The following RSPO2 variants were observed in gnomAD, a reference collection of about 807,000 sequenced individuals.
The protein encoded by RSPO2 is R-spondin-2.
A neutral mutation model predicts 30.9 loss-of-function variants in RSPO2; 14 were observed. The ratio of observed to expected loss-of-function variants is 0.45; its 90% CI spans 0.30 to 0.71. The LOEUF is 0.71. RSPO2 is among the 30% of genes least tolerant of loss of function. The pLI, the probability that RSPO2 is intolerant of heterozygous loss-of-function variation, is 0.08. For synonymous variants in RSPO2, 107 were observed against 96.4 expected (o/e 1.11, Z -0.64); for missense variants, 264 against 301.9 (o/e 0.87, Z 0.93).
chr8:108,053,840 G>A (rs1484034983), intron 2 of RSPO2, among the ~76,000 whole-genome samples: 2 of 152,110 alleles, frequency 1.3e-5, no homozygotes, highest in African/African-American at 4.8e-5. Flanking sequence ...TTTATATACA[G>A]TGAATACCAT....
chr8:108,080,307 T>C (rs1362132596), intron 2 of RSPO2, among the ~76,000 whole-genome samples: 10 of 152,168 alleles, frequency 6.6e-5, no homozygotes, highest in Admixed American at 5.9e-4. Context: ...GCCAGAAACT[T>C]GGGATTTGTA....
chr8:108,062,561 A>T (rs1586670421), intron 2 of RSPO2, among the ~76,000 whole-genome samples: 1 of 151,872 alleles, frequency 6.6e-6, no homozygotes, highest in African/African-American at 2.4e-5. Flanking sequence ...AACCAAAAAA[A>T]GTCCAGGACC....
intron 2 of RSPO2, among the ~76,000 whole-genome samples, chr8:108,068,397 A>T (rs1812736934): frequency 6.6e-6 from 1 of 152,200 alleles, no homozygotes; most frequent in African/African-American, 2.4e-5. Flanking sequence ...ATATGCAGTG[A>T]TCCTACCTCT....
intron 2 of RSPO2, among the ~76,000 whole-genome samples, chr8:108,060,342 A>G (rs2130701635): frequency 6.6e-6 from 1 of 151,976 alleles, no homozygotes; most frequent in South Asian, 2.1e-4. Context: ...TCCTTAAATG[A>G]CCTGATGGAG....
intron 5 of RSPO2, among the ~76,000 whole-genome samples, chr8:107,912,543 C>T (rs17311083): frequency 0.12 from 18,523 of 152,206 alleles, 1,451 homozygotes; most frequent in Middle Eastern, 0.31. Flanking sequence ...GCAGATTCAT[C>T]TCTCCTGTGG....
intron 5 of RSPO2, among the ~76,000 whole-genome samples, chr8:107,920,199 T>C (rs1812113447): frequency 6.6e-6 from 1 of 152,134 alleles, no homozygotes; most frequent in African/African-American, 2.4e-5. Context: ...GATGAGACTT[T>C]AATTACTATG....
chr8:108,082,652 C>A lies in RSPO2; in HGVS notation c.-14G>T. 1.2e-6 allele frequency: 2 copies of A among 1,608,854 alleles called. No homozygotes were observed. The highest frequency in any genetic ancestry group is 1.7e-6 in the Non-Finnish European group (2 of 1,175,558). On this transcript the variant is annotated 5_prime_UTR_variant, in exon 2 of 6. Transcript: ENST00000276659. Reference sequence around the variant, plus strand: ...GCGAAACTGCATCTGGGCGGTCGGGCGGGGGAGAGACGCCTCTCAAAGTCT... The same window carrying A: ...GCGAAACTGCATCTGGGCGGTCGGGAGGGGGAGAGACGCCTCTCAAAGTCT...
At chr8:108,022,491 A>G (rs1811086996) in intron 2 of RSPO2, among the ~76,000 whole-genome samples, 1 of 152,242 alleles carries the variant, frequency 6.6e-6, no homozygotes, top group Admixed American at 6.5e-5. Context: ...AGAAAATACC[A>G]GAAATTTATA....
Position 107,901,078 on chromosome 8 carries a change from T to C in RSPO2, c.729A>G (p.Gln243=), listed in dbSNP as rs1476186410. The change falls in exon 6 of 6, where the codon CAA becomes CAG. Residue 243 remains glutamine (Q), a synonymous_variant. Transcript: ENST00000276659. ...SVFLATDRAN[Q] is the part of the protein sequence containing the mutation. Reference sequence around the variant, plus strand: ...AAAATCTACCGGATCTCTTGTTTTATTGGTTAGCTCTGTCTGTAGCTAGGA... The same window carrying C: ...AAAATCTACCGGATCTCTTGTTTTACTGGTTAGCTCTGTCTGTAGCTAGGA... The C allele has an allele frequency of 8.1e-6, 13 of 1,609,848 alleles. No homozygotes were observed. Among genetic ancestry groups the C allele is most frequent in the Non-Finnish European group, 1.1e-5 (13 of 1,179,118 alleles).
At chr8:108,020,077 CA>C (rs34726560) in intron 2 of RSPO2, among the ~76,000 whole-genome samples, 4,916 of 110,910 alleles carry the variant, frequency 0.044, 105 homozygotes, top group South Asian at 0.073. Flanking sequence ...ATAAAAATTA[CA>C]AAAAAAAAAA....
At chr8:107,904,187 T>G (rs1811565267) in intron 5 of RSPO2, among the ~76,000 whole-genome samples, 1 of 152,046 alleles carries the variant, frequency 6.6e-6, no homozygotes. Flanking sequence ...ACTTGGAGAA[T>G]GACTTCTAGA....
At chr8:107,969,152 G>A (rs1247103034) in intron 3 of RSPO2, among the ~76,000 whole-genome samples, 1 of 152,064 alleles carries the variant, frequency 6.6e-6, no homozygotes. Context: ...TAAAAAGGGG[G>A]AAATACCTGA....
intron 5 of RSPO2, among the ~76,000 whole-genome samples, chr8:107,928,091 A>C (rs1425391709): frequency 6.6e-6 from 1 of 152,148 alleles, no homozygotes; most frequent in Non-Finnish European, 1.5e-5. Flanking sequence ...TTTATCCTGG[A>C]AAAAGTATTT....
chr8:108,031,911 A>C (rs1196463246), intron 2 of RSPO2, among the ~76,000 whole-genome samples: 1 of 152,196 alleles, frequency 6.6e-6, no homozygotes, highest in Non-Finnish European at 1.5e-5. Context: ...CCTGTAACAC[A>C]ATTAGTTGTC....
Position 107,958,178 on chromosome 8 carries a change from G to T in RSPO2, c.518C>A (p.Thr173Lys), listed in dbSNP as rs778053213. The part of the protein sequence containing the change: ...CGFKWGLETR[T>K]RQIVKKPVKD... ...CACTGGCTTTTTAACAATTTGCCGTGTTCTGGTTTCCAGACCCCATTTAAA... is the reference window on the plus strand; with the variant it reads ...CACTGGCTTTTTAACAATTTGCCGTTTTCTGGTTTCCAGACCCCATTTAAA... Residue 173 changes from threonine to lysine, a missense_variant, in exon 5 of 6, where the codon ACA (threonine) becomes AAA (lysine). Coordinates refer to ENST00000276659, the MANE Select transcript of RSPO2 (RefSeq NM_178565.5). 1 of 1,613,566 alleles carries T rather than the reference G, an allele frequency of 6.2e-7. No homozygotes were observed. The highest frequency in any genetic ancestry group is 2.2e-5 in the East Asian group (1 of 44,842).
chr8:107,924,185 G>T (rs1812280568), intron 5 of RSPO2, among the ~76,000 whole-genome samples: 1 of 151,840 alleles, frequency 6.6e-6, no homozygotes, highest in African/African-American at 2.4e-5. Context: ...TCACTAAAGG[G>T]AGCATCTGAA....
intron 5 of RSPO2, among the ~76,000 whole-genome samples, chr8:107,952,502 G>A (rs1056035670): frequency 4.3e-4 from 66 of 151,938 alleles, no homozygotes; most frequent in African/African-American, 1.5e-3. Context: ...TTTTAATATC[G>A]ACATTCTTGA....
intron 3 of RSPO2, among the ~76,000 whole-genome samples, chr8:107,980,510 T>G (rs1203764106): frequency 2.0e-5 from 3 of 152,228 alleles, no homozygotes; most frequent in Admixed American, 1.3e-4. Flanking sequence ...TGATAAAGAT[T>G]AAACCTAAAG....
At chr8:107,925,471 T>C (rs904896004) in intron 5 of RSPO2, among the ~76,000 whole-genome samples, 1 of 152,058 alleles carries the variant, frequency 6.6e-6, no homozygotes, top group African/African-American at 2.4e-5. Context: ...TTGTTACATA[T>C]GTATACATGG....
Sources: gnomAD v4.1 joint callset for allele counts (sites outside exome capture counted in the v4.1 genomes callset) on GRCh38, gnomAD v4.1.1 for gene constraint, MANE v1.5 for transcripts, NCBI Gene and HGNC (gene_info 2026-07-23, HGNC 2026-07-21) for gene names.